ZNF35: variants seen among roughly 807,000 people sequenced by gnomAD.
ZNF35 encodes the protein zinc finger protein 35.
ZNF35 carries 31 observed loss-of-function variants against 45.9 expected under a neutral mutation model. The observed-to-expected ratio is 0.68, with a 90% CI of 0.51 to 0.91. The LOEUF (loss-of-function observed/expected upper bound fraction) is 0.91. Among genes scored for constraint, ZNF35 ranks in the 40% least tolerant of loss-of-function variants. The probability of loss-of-function intolerance (pLI) is 0.00; values close to 1 mark genes in which losing one functional copy is unlikely to be tolerated. For missense variants in ZNF35, 515 were observed against 625.4 expected (o/e 0.82, Z 1.88); for synonymous variants, 205 against 220.2 (o/e 0.93, Z 0.61).
intron 3 of ZNF35, among the ~76,000 whole-genome samples, chr3:44,653,228 G>A (rs1703236668): frequency 6.6e-6 from 1 of 152,108 alleles, no homozygotes; most frequent in Non-Finnish European, 1.5e-5. Context: ...TTTAAGGCCC[G>A]CATTCCACTG....
At chr3:44,649,894 C>G (rs1257389190) in intron 1 of ZNF35, among the ~76,000 whole-genome samples, 1 of 152,056 alleles carries the variant, frequency 6.6e-6, no homozygotes. Context: ...ATTGTTAAGA[C>G]TATTGTGAAA....
In ZNF35 at chr3:44,659,562, GTTGT is replaced by G. The variant is rs773258639; in HGVS notation, c.1202_1205del (p.Cys401PhefsTer129). 2 of 1,613,984 alleles carry G rather than the reference GTTGT, an allele frequency of 1.2e-6. No individual in the cohort carries two copies. Among genetic ancestry groups the G allele is most frequent in the East Asian group, 2.2e-5 (1 of 44,860 alleles). On this transcript the variant is annotated frameshift_variant, in exon 4 of 4. Transcript: ENST00000396056. LOFTEE classifies it high-confidence loss of function. This position sits in a 1 kb window ranked among gnomAD's most constrained non-coding sequence, Gnocchi z 4.3. ...TGTAAAGAGTGTGGGAAAGCCTTTA[GTTGT>G]TTTTCACACCTTATTGTGCACCAGA...
chr3:44,652,190 T>TC (rs1392334003), intron 2 of ZNF35, among the ~76,000 whole-genome samples: 2 of 152,090 alleles, frequency 1.3e-5, no homozygotes, highest in African/African-American at 4.8e-5. Context: ...GGGCAGAGGT[T>TC]CCCCCAGAGC....
chr3:44,649,441 T>C (rs972156028), intron 1 of ZNF35, among the ~76,000 whole-genome samples: 17 of 152,208 alleles, frequency 1.1e-4, no homozygotes, highest in Non-Finnish European at 2.1e-4. Context: ...CAACAGGGGA[T>C]TGAATAAGAT....
rs970300878 is a variant in ZNF35 at position 44,658,972 on chromosome 3, T to C, written c.609T>C (p.Tyr203=). Reference sequence around the variant, plus strand: ...AATGTAAGAAATCTGGAGGAAAATATAGCCTTAATTCTGGCGCTGTTAAAA... The same window carrying C: ...AATGTAAGAAATCTGGAGGAAAATACAGCCTTAATTCTGGCGCTGTTAAAA... ...NQKCKKSGGK[Y]SLNSGAVKNP... The change falls in exon 4 of 4, where the codon TAT becomes TAC. Residue 203 remains tyrosine (Y), a synonymous_variant. Transcript: ENST00000396056. The C allele has an allele frequency of 3.1e-6, 5 of 1,614,096 alleles. No individual in the cohort carries two copies. Among genetic ancestry groups the C allele is most frequent in the Non-Finnish European group, 2.5e-6 (3 of 1,180,060 alleles).
chr3:44,650,439 C>A (rs1285894926), intron 1 of ZNF35, among the ~76,000 whole-genome samples: 5 of 152,064 alleles, frequency 3.3e-5, no homozygotes, highest in African/African-American at 1.2e-4. Flanking sequence ...ATTTTGTATC[C>A]TTGGCAATAA....
upstream of ZNF35, chr3:44,647,426 T>C (rs1232221652): frequency 2.0e-5 from 3 of 152,224 alleles, no homozygotes; most frequent in Non-Finnish European, 4.4e-5. Flanking sequence ...GTATATGTCA[T>C]GCTTCAGGAA....
At chr3:44,655,312 T>G (rs890985432) in intron 3 of ZNF35, among the ~76,000 whole-genome samples, 2 of 152,056 alleles carry the variant, frequency 1.3e-5, no homozygotes, top group African/African-American at 2.4e-5. Context: ...GTTATAAATC[T>G]AATGAATTGG....
chr3:44,652,850 A>G, intron 3 of ZNF35, 149 bp downstream of exon 3: 1 of 800,772 alleles, frequency 1.2e-6, no homozygotes, highest in East Asian at 3.1e-5. Context: ...GAATGCTGAA[A>G]TGCCTGTGCA....
chr3:44,647,206 A>G (rs755858742), upstream of ZNF35: 2 of 152,238 alleles, frequency 1.3e-5, no homozygotes, highest in African/African-American at 2.4e-5. Flanking sequence ...CAAATAAGCA[A>G]ATGAAAAGAT....
At chr3:44,653,159 C>T (rs1327965729) in intron 3 of ZNF35, among the ~76,000 whole-genome samples, 1 of 152,162 alleles carries the variant, frequency 6.6e-6, no homozygotes, top group Non-Finnish European at 1.5e-5. Flanking sequence ...AACACCCTCT[C>T]CCTAATGACC....
At chr3:44,649,792 A>C (rs1444701975) in intron 1 of ZNF35, among the ~76,000 whole-genome samples, 9 of 152,236 alleles carry the variant, frequency 5.9e-5, no homozygotes, top group Non-Finnish European at 1.3e-4. Flanking sequence ...TAAATGGTTC[A>C]TAAATAGAAT....
At position 44,659,750 on chromosome 3, in the gene ZNF35, A is replaced by T; in HGVS notation, c.1387A>T (p.Ile463Phe). The T allele has an allele frequency of 1.2e-6, 2 of 1,613,896 alleles. No homozygotes were observed. Among genetic ancestry groups the T allele is most frequent in the Non-Finnish European group, 1.7e-6 (2 of 1,179,914 alleles). Reference protein sequence around the residue: ...KAFTCSSYLLIHQRIHNGEKP... With the variant: ...KAFTCSSYLLFHQRIHNGEKP... Reference sequence around the variant, plus strand: ...CTTCACATGTAGCTCATACCTACTTATTCATCAGAGAATTCATAATGGAGA... The same window carrying T: ...CTTCACATGTAGCTCATACCTACTTTTTCATCAGAGAATTCATAATGGAGA... The change falls in exon 4 of 4, where the codon ATT becomes TTT. Residue 463 changes from isoleucine to phenylalanine, a missense_variant. Transcript: ENST00000396056. This position sits in a 1 kb window ranked among gnomAD's most constrained non-coding sequence, Gnocchi z 4.3.
chr3:44,649,604 G>A (rs1476335411), intron 1 of ZNF35, among the ~76,000 whole-genome samples: 3 of 152,140 alleles, frequency 2.0e-5, no homozygotes, highest in Non-Finnish European at 2.9e-5. Context: ...CTGTCAATTA[G>A]TGGGGGTGTG....
intron 2 of ZNF35, among the ~76,000 whole-genome samples, chr3:44,651,737 G>C (rs1303106714): frequency 6.6e-6 from 1 of 151,884 alleles, no homozygotes; most frequent in Non-Finnish European, 1.5e-5. Context: ...GGAGGCTGAG[G>C]TGGGAGGATT....
Position 44,659,571 on chromosome 3 carries a change from C to T in ZNF35, c.1208C>T (p.Ser403Leu), listed in dbSNP as rs1703366819. The change falls in exon 4 of 4, where the codon TCA (serine) becomes TTA (leucine). Residue 403 changes from serine (S) to leucine (L), a missense_variant. Physicochemically the swap from Ser to Leu is moderately radical, Grantham distance 145. Around this residue, in one of 3 missense-constraint regions of ZNF35, gnomAD observed 232 missense variants for 304.6 expected, o/e 0.76. Transcript: ENST00000396056. This position sits in a 1 kb window ranked among gnomAD's most constrained non-coding sequence, Gnocchi z 4.3. ...KECGKAFSCFSHLIVHQRIHT... is the reference protein window; with the variant it reads ...KECGKAFSCFLHLIVHQRIHT... ...TGTGGGAAAGCCTTTAGTTGTTTTT[C>T]ACACCTTATTGTGCACCAGAGAATT... is the stretch of plus-strand genomic sequence containing the variant. 6.2e-7 allele frequency: 1 copy of T among 1,613,878 alleles called. No homozygotes were observed.
upstream of ZNF35, chr3:44,647,298 T>TA (rs1188299197): frequency 6.6e-6 from 1 of 151,958 alleles, no homozygotes; most frequent in Non-Finnish European, 1.5e-5. Flanking sequence ...TTTTTTTTTT[T>TA]AATGGTGGTA....
chr3:44,649,530 T>C lies in ZNF35; in HGVS notation c.-128+696T>C, dbSNP rs141165508. 5.6e-3 allele frequency among the ~76,000 whole-genome samples: 848 copies of C among 152,254 alleles called. 7 individuals carry two copies. Among genetic ancestry groups the C allele is most frequent in the African/African-American group, 0.02 (814 of 41,544 alleles). ...ATCTCTTCATAAGCAATCAAACTAG[T>C]AAGGTTATTTTGCTCACAGGTTAAA... On this transcript the variant is annotated intron_variant, in intron 1 of 3. Transcript: ENST00000396056.
In ZNF35 at chr3:44,659,951, G is replaced by A; in HGVS notation, c.*4G>A. On this transcript the variant is annotated 3_prime_UTR_variant, in exon 4 of 4. Transcript: ENST00000396056. The surrounding 1 kb of genome is among the most constrained non-coding windows in gnomAD (Gnocchi z 4.3). Reference sequence around the variant, plus strand: ...TAGAACCCATCTTGTTGAATAACAAGTAAGGAAGAGGAAGACCTCCAGCAT... The same window carrying A: ...TAGAACCCATCTTGTTGAATAACAAATAAGGAAGAGGAAGACCTCCAGCAT... 2 of 1,532,422 alleles carry A rather than the reference G, an allele frequency of 1.3e-6. No homozygotes were observed. The highest frequency in any genetic ancestry group is 1.8e-6 in the Non-Finnish European group (2 of 1,140,376). 94.9% of individuals were successfully genotyped at this position (1,532,422 alleles called of 1,614,324 possible).
Sources: allele counts gnomAD v4.1 joint callset (sites outside exome capture counted in the v4.1 genomes callset), GRCh38; gene constraint gnomAD v4.1.1; regional missense constraint gnomAD v4.1.1; non-coding constraint Gnocchi (gnomAD v3.1); transcripts MANE v1.5; gene names NCBI Gene and HGNC (gene_info 2026-07-23, HGNC 2026-07-21).